TM6SF2: variants seen among roughly 807,000 people sequenced by gnomAD.
The protein encoded by TM6SF2 is transmembrane 6 superfamily member 2.
In TM6SF2, 29 loss-of-function variants were observed where a neutral mutation model predicts 41.0. That is an observed-to-expected ratio of 0.71 (90% CI 0.53 to 0.96). TM6SF2 has a LOEUF of 0.96. Among genes scored for constraint, TM6SF2 ranks in the 50% least tolerant of loss-of-function variants. TM6SF2 has a pLI of 0.00. For synonymous variants in TM6SF2, 200 were observed against 209.1 expected (o/e 0.96, Z 0.37); for missense variants, 475 against 499.0 (o/e 0.95, Z 0.46).
chr19:19,266,908 G>C (rs1327503571), intron 8 of TM6SF2, among the ~76,000 whole-genome samples: 1 of 152,218 alleles, frequency 6.6e-6, no homozygotes, highest in Non-Finnish European at 1.5e-5. Flanking sequence ...AGTGATTCAC[G>C]CTGGGCCAAT....
Position 19,264,693 on chromosome 19 carries a change from G to A in TM6SF2, c.1105C>T (p.Pro369Ser). 2 of 1,571,336 alleles carry A rather than the reference G, an allele frequency of 1.3e-6. No individual in the cohort carries two copies. The highest frequency in any genetic ancestry group is 1.7e-6 in the Non-Finnish European group (2 of 1,157,136). The part of the protein sequence containing the change: ...AFFHQPPPSD[P>S]LALHKKQH ...TGCTGCTTCTTGTGGAGGGCTAGGG[G>A]GTCGGAGGGTGGTGGCTGGTGGAAG... Residue 369 changes from proline to serine, a missense_variant, in exon 10 of 10, where the codon CCC becomes TCC. Pro to Ser is a moderately conservative substitution (Grantham distance 74). This residue lies in a region of TM6SF2 where 190 missense variants were observed against 190.2 expected (regional missense o/e 1.00). Coordinates refer to ENST00000389363, the MANE Select transcript of TM6SF2 (RefSeq NM_001001524.3).
At chr19:19,272,895 C>A (rs1475049544) in intron 1 of TM6SF2, among the ~76,000 whole-genome samples, 1 of 152,130 alleles carries the variant, frequency 6.6e-6, no homozygotes, top group East Asian at 1.9e-4. Flanking sequence ...ATCCCAGGAG[C>A]GGCCGCATCC....
chr19:19,273,111 C>G lies in TM6SF2; in HGVS notation c.95+10G>C, dbSNP rs1403291922. The G allele has an allele frequency of 1.4e-5, 21 of 1,476,926 alleles. No individual in the cohort carries two copies. The highest frequency in any genetic ancestry group is 1.9e-5 in the Non-Finnish European group (21 of 1,117,828). 91.5% of individuals were successfully genotyped at this position (1,476,926 alleles called of 1,614,324 possible). A position where few individuals can be genotyped will look rare whatever the true frequency, so the allele number is the denominator to read the frequency against. ...TCCCCAAGGCCGCCCTGGCCCCTCT[C>G]CGCACGCACTGCGAGAGCGCCGAGA... On this transcript the variant is annotated intron_variant, in intron 1 of 9. Transcript: ENST00000389363.
chr19:19,270,152 C>A (rs761018515), intron 4 of TM6SF2, 21 bp downstream of exon 4: 14 of 1,613,382 alleles, frequency 8.7e-6, no homozygotes, highest in Non-Finnish European at 1.2e-5. Flanking sequence ...TCAGGGGCCA[C>A]CCTCTCCCTG....
Position 19,270,462 on chromosome 19 carries a change from C to T in TM6SF2, c.200-20G>A, listed in dbSNP as rs780447055. ...CGAAGACTGCAGTGAGTGGGCGGGC[C>T]GGGTCAGGTGTGGGAGGGGACACGT... On this transcript the variant is annotated intron_variant, in intron 2 of 9. Transcript: ENST00000389363. 40 of 1,560,096 alleles carry T rather than the reference C, an allele frequency of 2.6e-5. No individual in the cohort carries two copies. In the Middle Eastern group the frequency reaches 5.1e-4, roughly 20 times the overall value.
chr19:19,267,960 G>C, intron 7 of TM6SF2, 26 bp downstream of exon 7: 2 of 1,578,232 alleles, frequency 1.3e-6, no homozygotes, highest in Non-Finnish European at 1.7e-6. Flanking sequence ...GGCAGGGGAG[G>C]GGGAGACCAA....
chr19:19,270,352 G>C lies in TM6SF2; in HGVS notation c.290C>G (p.Thr97Ser). Residue 97 changes from threonine to serine, a missense_variant, in exon 3 of 10, where the codon ACC (threonine) becomes AGC (serine). Thr to Ser is a moderately conservative substitution (Grantham distance 58). Around this residue, in one of 3 missense-constraint regions of TM6SF2, gnomAD observed 238 missense variants for 228.6 expected, o/e 1.04. Transcript: ENST00000389363. ...SYVVGFMEFY[T>S]KEGEPYLRTA... is the part of the protein sequence containing the mutation. ...TGGTCGTCCCCCAAGTACCTCCTTG[G>C]TGTAGAACTCCATGAAGCCCACCAC... 6.2e-7 allele frequency: 1 copy of C among 1,614,194 alleles called. No homozygotes were observed. The highest frequency in any genetic ancestry group is 8.5e-7 in the Non-Finnish European group (1 of 1,180,008).
chr19:19,265,797 C>A lies in TM6SF2; in HGVS notation c.924+693G>T, dbSNP rs1036098665. Among the ~76,000 whole-genome samples, 14 of 152,216 alleles carry A rather than the reference C, an allele frequency of 9.2e-5. No homozygotes were observed. The South Asian group carries it at 2.3e-3, about 25-fold the overall frequency. ...TTGTCCACTTGTCTGTGAGTCCCCC[C>A]CAACTTGCCTAACCCCATCTCCTGG... On this transcript the variant is annotated intron_variant, in intron 9 of 9. Coordinates refer to ENST00000389363, the MANE Select transcript of TM6SF2 (RefSeq NM_001001524.3).
At chr19:19,265,019 A>G (rs972986813) in intron 9 of TM6SF2, 146 bp from the exon 10 acceptor site, 61 of 429,268 alleles carry the variant, frequency 1.4e-4, no homozygotes, top group Non-Finnish European at 2.2e-4. Context: ...TCTGTTTCCC[A>G]TCTCCAGTCC....
At chr19:19,267,589 G>A in intron 8 of TM6SF2, 32 bp downstream of exon 8, 2 of 1,559,486 alleles carry the variant, frequency 1.3e-6, no homozygotes, top group Non-Finnish European at 1.8e-6. Context: ...ACCCATGGCA[G>A]GGGTGTGGTC....
intron 1 of TM6SF2, among the ~76,000 whole-genome samples, chr19:19,272,748 G>A (rs1462373662): frequency 6.7e-6 from 1 of 150,266 alleles, no homozygotes; most frequent in African/African-American, 2.5e-5. Context: ...TCAGGTACCC[G>A]GGGCCTTATC....
At position 19,266,550 on chromosome 19, in the gene TM6SF2, G is replaced by T. The variant is rs775768034; in HGVS notation, c.864C>A (p.Thr288=). The part of the protein sequence containing the change: ...PFCGLAAYAL[T]FPGCSWLPDW... ...CTGGAAGCCAGGAGCAACCAGGGAA[G>T]GTGAGAGCATAGGCAGCCAGGCCGC... The change falls in exon 9 of 10, where the codon ACC becomes ACA. Residue 288 remains threonine (T), a synonymous_variant. Transcript: ENST00000389363. 13 of 1,614,080 alleles carry T rather than the reference G, an allele frequency of 8.1e-6. No homozygotes were observed. Among genetic ancestry groups the T allele is most frequent in the South Asian group, 1.1e-5 (1 of 91,078 alleles).
chr19:19,269,521 G>T (rs1324824190), intron 5 of TM6SF2, among the ~76,000 whole-genome samples, 166 bp downstream of exon 5: 1 of 152,194 alleles, frequency 6.6e-6, no homozygotes, highest in Non-Finnish European at 1.5e-5. Flanking sequence ...AGGAAACAGG[G>T]ACCGGAAAGG....
At position 19,267,993 on chromosome 19, in the gene TM6SF2, C is replaced by T. The variant is rs766513047; in HGVS notation, c.704G>A (p.Arg235Gln). 3.6e-5 allele frequency: 58 copies of T among 1,609,296 alleles called. No individual in the cohort carries two copies. The highest frequency in any genetic ancestry group is 1.6e-4 in the Middle Eastern group (1 of 6,078). The change falls in exon 7 of 10, where the codon CGG becomes CAG. Residue 235 changes from arginine (R) to glutamine (Q), a missense_variant. Arg to Gln is a conservative substitution (Grantham distance 43). Transcript: ENST00000389363. ...CAACCAGCGCAGACTCACCAGGCCC[C>T]GGAACAGAGTGAAGAAGCCAGCAAG... ...LILAGFFTLF[R>Q]GLVVLDCPTD...
chr19:19,266,684 G>C, intron 8 of TM6SF2, 75 bp from the exon 9 acceptor site: 1 of 1,521,176 alleles, frequency 6.6e-7, no homozygotes, highest in Non-Finnish European at 8.9e-7. Context: ...TGAGACCCCT[G>C]AGGTGGAGGC....
intron 3 of TM6SF2, 32 bp downstream of exon 3, chr19:19,270,313 G>T: frequency 6.2e-7 from 1 of 1,614,140 alleles, no homozygotes; most frequent in Non-Finnish European, 8.5e-7. Flanking sequence ...CGGGCAGTGC[G>T]GTAGGGGGCT....
rs1286282176 is a variant in TM6SF2, at chr19:19,268,638, C to T, written c.601G>A (p.Ala201Thr). The T allele has an allele frequency of 3.8e-6, 6 of 1,581,684 alleles. No homozygotes were observed. Among genetic ancestry groups the T allele is most frequent in the Admixed American group, 2.0e-5 (1 of 50,584 alleles). Reference protein sequence around the residue: ...SQPRALTRCTANMVQEEQRKG... With the variant: ...SQPRALTRCTTNMVQEEQRKG... ...AGGGGTAAGGCACTCACCATGTTGGCGGTGCAGCGGGTTAGCGCCCGGGGC... is the reference window on the plus strand; with the variant it reads ...AGGGGTAAGGCACTCACCATGTTGGTGGTGCAGCGGGTTAGCGCCCGGGGC... Residue 201 changes from alanine (A) to threonine (T), a missense_variant, in exon 6 of 10, where the codon GCC becomes ACC. Physicochemically the swap from Ala to Thr is moderately conservative, Grantham distance 58. Coordinates refer to ENST00000389363, the MANE Select transcript of TM6SF2 (RefSeq NM_001001524.3).
intron 2 of TM6SF2, 109 bp downstream of exon 2, chr19:19,270,913 C>A: frequency 1.1e-6 from 1 of 905,832 alleles, no homozygotes; most frequent in South Asian, 1.4e-5. Context: ...GATGGGAGCT[C>A]TTAAAGGGCC....
intron 1 of TM6SF2, among the ~76,000 whole-genome samples, chr19:19,272,163 A>G (rs1884760774): frequency 6.6e-6 from 1 of 152,146 alleles, no homozygotes; most frequent in Non-Finnish European, 1.5e-5. Flanking sequence ...GGATGGGAGT[A>G]CTGTCCAGTT....
Sources: gnomAD v4.1 joint callset for allele counts (sites outside exome capture counted in the v4.1 genomes callset) on GRCh38, gnomAD v4.1.1 for gene constraint, gnomAD v4.1.1 regional missense constraint, MANE v1.5 for transcripts, NCBI Gene and HGNC (gene_info 2026-07-23, HGNC 2026-07-21) for gene names.